ZNF385D: variants seen among roughly 807,000 people sequenced by gnomAD.
The protein encoded by ZNF385D is zinc finger protein 659.
A neutral mutation model predicts 35.8 loss-of-function variants in ZNF385D; 15 were observed. The observed-to-expected ratio is 0.42, with a 90% CI of 0.28 to 0.64. The LOEUF is 0.64. Among genes scored for constraint, ZNF385D ranks in the 30% least tolerant of loss-of-function variants. The pLI, the probability that ZNF385D is intolerant of heterozygous loss-of-function variation, is 0.23. For synonymous variants in ZNF385D, 212 were observed against 186.8 expected (o/e 1.13, Z -1.10); for missense variants, 474 against 494.6 (o/e 0.96, Z 0.39).
At chr3:21,944,160 C>T (rs1435329988) in intron 3 of ZNF385D, among the ~76,000 whole-genome samples, 1 of 152,156 alleles carries the variant, frequency 6.6e-6, no homozygotes, top group Non-Finnish European at 1.5e-5. Context: ...TACAGTCTTA[C>T]ACATTAACTT....
intron 4 of ZNF385D, among the ~76,000 whole-genome samples, chr3:21,485,344 T>C (rs540958509): frequency 2.0e-5 from 3 of 152,236 alleles, no homozygotes; most frequent in South Asian, 2.1e-4. Context: ...GAGACACTTA[T>C]GTTATTATGA....
intron 4 of ZNF385D, among the ~76,000 whole-genome samples, chr3:21,474,052 C>T (rs1704075655): frequency 6.6e-6 from 1 of 151,814 alleles, no homozygotes; most frequent in African/African-American, 2.4e-5. Context: ...ATAAGTTCAT[C>T]CATTAAGTTG....
chr3:21,810,831 T>C (rs1344173451), intron 3 of ZNF385D, among the ~76,000 whole-genome samples: 1 of 151,974 alleles, frequency 6.6e-6, no homozygotes, highest in Non-Finnish European at 1.5e-5. Flanking sequence ...ACTTTGAGTA[T>C]ACATTCCTGG....
chr3:21,509,131 G>A (rs1284400391), intron 4 of ZNF385D, among the ~76,000 whole-genome samples: 1 of 151,858 alleles, frequency 6.6e-6, no homozygotes, highest in Non-Finnish European at 1.5e-5. Context: ...TAAATGATGT[G>A]CATCCTTAAT....
At chr3:21,923,927 T>A (rs946623060) in intron 3 of ZNF385D, among the ~76,000 whole-genome samples, 1 of 152,190 alleles carries the variant, frequency 6.6e-6, no homozygotes, top group Non-Finnish European at 1.5e-5. Flanking sequence ...CCTGCACGTG[T>A]ACCTCCTGAA....
intron 2 of ZNF385D, among the ~76,000 whole-genome samples, chr3:22,170,576 T>A (rs1694342639): frequency 6.6e-6 from 1 of 152,166 alleles, no homozygotes; most frequent in African/African-American, 2.4e-5. Context: ...GGAAACTCTA[T>A]CTCTCTTACT....
At chr3:22,040,229 A>G (rs181533525) in intron 3 of ZNF385D, among the ~76,000 whole-genome samples, 10 of 152,314 alleles carry the variant, frequency 6.6e-5, no homozygotes, top group Admixed American at 5.2e-4. Flanking sequence ...AACCTTTTAC[A>G]AATTATCCTA....
At position 21,417,100 on chromosome 3, in the gene ZNF385D, A is replaced by G. The variant is rs1047160419; in HGVS notation, c.*4114T>C. The G allele has an allele frequency of 1.3e-5, 2 of 152,102 alleles. No individual in the cohort carries two copies. The highest frequency in any genetic ancestry group is 4.8e-5 in the African/African-American group (2 of 41,416). 9.4% of individuals were successfully genotyped at this position (152,102 alleles called of 1,614,324 possible). ...TGGTTGAGCATATGAATGACCTACAATATGGCTTACACTCAGGATGGAAAG... is the reference window on the plus strand; with the variant it reads ...TGGTTGAGCATATGAATGACCTACAGTATGGCTTACACTCAGGATGGAAAG... On this transcript the variant is annotated 3_prime_UTR_variant, in exon 8 of 8. Transcript: ENST00000281523.
chr3:21,664,806 GTGGCCGAACCAACCC>G lies in ZNF385D; in HGVS notation c.165+65_165+79del, dbSNP rs1213415359. On this transcript the variant is annotated intron_variant, in intron 2 of 7. Transcript: ENST00000281523. ...TGAACAATATAGCAAAATGGAGGCA[GTGGCCGAACCAACCC>G]TGGCCTTTAAGTTAGTTTTCCAATA... 3 of 1,583,816 alleles carry G rather than the reference GTGGCCGAACCAACCC, an allele frequency of 1.9e-6. No individual in the cohort carries two copies. In the East Asian group the frequency reaches 6.7e-5, roughly 36 times the overall value.
intron 2 of ZNF385D, among the ~76,000 whole-genome samples, chr3:22,305,492 CAG>C (rs1270792387): frequency 4.6e-5 from 7 of 152,136 alleles, no homozygotes; most frequent in Non-Finnish European, 8.8e-5. Flanking sequence ...GTTCACATTA[CAG>C]TCAGCGTTGG....
intron 2 of ZNF385D, among the ~76,000 whole-genome samples, chr3:22,189,736 G>A (rs1216172550): frequency 2.0e-5 from 3 of 152,104 alleles, no homozygotes; most frequent in Admixed American, 1.3e-4. Flanking sequence ...TATGTTAGGT[G>A]ATAACAATAA....
chr3:21,533,627 T>A (rs563175088), intron 3 of ZNF385D, among the ~76,000 whole-genome samples: 1 of 152,232 alleles, frequency 6.6e-6, no homozygotes, highest in Non-Finnish European at 1.5e-5. Context: ...AGGTCAAGCC[T>A]GCATTTATTA....
chr3:21,435,333 T>C (rs1701496319), intron 5 of ZNF385D, among the ~76,000 whole-genome samples: 1 of 148,352 alleles, frequency 6.7e-6, no homozygotes, highest in African/African-American at 2.5e-5. Context: ...TCATGGCTCA[T>C]TGTAGCCTCA....
At chr3:22,162,404 C>T (rs150243273) in intron 3 of ZNF385D, among the ~76,000 whole-genome samples, 9 of 152,066 alleles carry the variant, frequency 5.9e-5, no homozygotes, top group Non-Finnish European at 1.0e-4. Context: ...CTCTGAAGCC[C>T]CCCTTATCTG....
At position 22,186,949 on chromosome 3, in the gene ZNF385D, A is replaced by G. The variant is rs574257820; in HGVS notation, c.107-17914T>C. On this transcript the variant is annotated intron_variant, in intron 2 of 5. Coordinates refer to the ZNF385D transcript ENST00000494108. The stretch of plus-strand genomic sequence containing the variant: ...TCACTTAATACTCAAAGCACTGCCA[A>G]TGAGGTAGGTACTGTAATTATCCCC... Among the ~76,000 whole-genome samples, 13 of 152,290 alleles carry G rather than the reference A, an allele frequency of 8.5e-5. No individual in the cohort carries two copies. The East Asian group carries it at 1.5e-3, about 18-fold the overall frequency.
chr3:22,041,225 T>C (rs1576210500), intron 3 of ZNF385D, among the ~76,000 whole-genome samples: 2 of 152,198 alleles, frequency 1.3e-5, no homozygotes, highest in East Asian at 3.9e-4. Context: ...GAAAAATCTC[T>C]AGAAATGACA....
chr3:22,219,620 TC>T (rs1339907667), intron 2 of ZNF385D, among the ~76,000 whole-genome samples: 1 of 152,184 alleles, frequency 6.6e-6, no homozygotes, highest in African/African-American at 2.4e-5. Flanking sequence ...GTTTTGGTGT[TC>T]AGAATATTTC....
chr3:22,076,245 T>G (rs1054823156), intron 3 of ZNF385D, among the ~76,000 whole-genome samples: 1 of 151,936 alleles, frequency 6.6e-6, no homozygotes, highest in Non-Finnish European at 1.5e-5. Context: ...ACAATAAAGA[T>G]ACATTCTTTA....
intron 3 of ZNF385D, among the ~76,000 whole-genome samples, chr3:21,889,839 C>T (rs1481837427): frequency 6.6e-6 from 1 of 152,112 alleles, no homozygotes. Context: ...ATCAAGCCCC[C>T]TCTGAAGGTG....
Sources: allele counts gnomAD v4.1 joint callset (sites outside exome capture counted in the v4.1 genomes callset), GRCh38; gene constraint gnomAD v4.1.1; transcripts MANE v1.5; gene names NCBI Gene and HGNC (gene_info 2026-07-23, HGNC 2026-07-21).